The following SMG1 variants were observed in gnomAD, a reference collection of about 807,000 sequenced individuals.
The protein encoded by SMG1 is serine/threonine-protein kinase SMG1.
Under a neutral mutation model 419.9 loss-of-function variants are expected in SMG1, and 22 were observed. The ratio of observed to expected loss-of-function variants is 0.05; its 90% CI spans 0.04 to 0.07. The LOEUF is 0.07. Among genes scored for constraint, SMG1 ranks in the 10% least tolerant of loss-of-function variants. The pLI, the probability that SMG1 is intolerant of heterozygous loss-of-function variation, is 1.00. For missense variants in SMG1, 3,185 were observed against 4,342.0 expected, an observed-to-expected ratio of 0.73 and a Z score of 7.49; for synonymous variants, 1,538 against 1,553.5, an observed-to-expected ratio of 0.99 and a Z score of 0.23.
At chr16:18,896,444 A>T (rs970909793) in intron 2 of SMG1, among the ~76,000 whole-genome samples, 6 of 152,192 alleles carry the variant, frequency 3.9e-5, no homozygotes, top group Admixed American at 2.0e-4. Flanking sequence ...ATGAAAACTA[A>T]ATTAAATCAA....
rs2031480620 is a variant in SMG1, at chr16:18,812,226, A to G, written c.10622-99T>C. On this transcript the variant is annotated intron_variant, in intron 60 of 62. Transcript: ENST00000446231. Reference sequence around the variant, plus strand: ...GATAGGTGGTAGTGGTTGATACCCCAATTAAATAATCAACTATAAATCCTT... The same window carrying G: ...GATAGGTGGTAGTGGTTGATACCCCGATTAAATAATCAACTATAAATCCTT... 8.0e-6 allele frequency: 9 copies of G among 1,118,472 alleles called. No individual in the cohort carries two copies. The South Asian group carries it at 1.2e-4, about 15-fold the overall frequency. The allele number at this position is 1,118,472 out of a possible 1,614,324, so 69.3% of individuals were successfully genotyped here.
chr16:18,849,629 G>GT (rs1216173932), intron 35 of SMG1, among the ~76,000 whole-genome samples: 1 of 152,142 alleles, frequency 6.6e-6, no homozygotes, highest in Non-Finnish European at 1.5e-5. Flanking sequence ...ACGGAGAAAT[G>GT]TATCTTCTGT....
intron 1 of SMG1, among the ~76,000 whole-genome samples, chr16:18,902,662 T>C (rs2037393791): frequency 6.6e-6 from 1 of 151,054 alleles, no homozygotes; most frequent in African/African-American, 2.4e-5. Context: ...GCTGTGATCA[T>C]GCCACTGCAC....
chr16:18,922,550 C>T (rs2038236850), intron 1 of SMG1, among the ~76,000 whole-genome samples: 1 of 152,168 alleles, frequency 6.6e-6, no homozygotes, highest in African/African-American at 2.4e-5. Context: ...GGACAACCTC[C>T]GCCTCTCAGG....
chr16:18,923,560 G>T (rs1275624274), intron 1 of SMG1, among the ~76,000 whole-genome samples: 1 of 151,778 alleles, frequency 6.6e-6, no homozygotes, highest in Admixed American at 6.6e-5. Flanking sequence ...CCTTGTAACC[G>T]GGAGGCAGAG....
At chr16:18,813,929 G>T (rs1466686120) in intron 60 of SMG1, among the ~76,000 whole-genome samples, 1 of 149,988 alleles carries the variant, frequency 6.7e-6, no homozygotes, top group Non-Finnish European at 1.5e-5. Context: ...TACTGGGGAG[G>T]TTGAGGCAGG....
In SMG1 at chr16:18,869,532, G is replaced by A. The variant is rs891603805; in HGVS notation, c.2634-229C>T. 7.9e-5 allele frequency among the ~76,000 whole-genome samples: 12 copies of A among 152,180 alleles called. No individual in the cohort carries two copies. In the East Asian group the frequency reaches 2.3e-3, roughly 29 times the overall value. ...TGATTAGGGTAAATGGCTTATGCCA[G>A]TCAGGAATGAAACTCACTCAATTCA... On this transcript the variant is annotated intron_variant, in intron 19 of 62. Transcript: ENST00000446231.
intron 3 of SMG1, among the ~76,000 whole-genome samples, chr16:18,895,273 G>A (rs1258956464): frequency 6.6e-6 from 1 of 151,980 alleles, no homozygotes; most frequent in Non-Finnish European, 1.5e-5. Flanking sequence ...GAGGTCAGGA[G>A]TTCGAGACCA....
intron 62 of SMG1, among the ~76,000 whole-genome samples, chr16:18,810,454 A>G (rs1042369082): frequency 2.6e-5 from 4 of 152,238 alleles, no homozygotes; most frequent in African/African-American, 4.8e-5. Context: ...AAGCAGATCA[A>G]GAAGTAGGAC....
At chr16:18,892,014 C>A (rs1437328422) in intron 4 of SMG1, among the ~76,000 whole-genome samples, 2 of 152,156 alleles carry the variant, frequency 1.3e-5, no homozygotes, top group Non-Finnish European at 2.9e-5. Flanking sequence ...CTGCAGTGAG[C>A]TATGATTGTG....
chr16:18,839,843 C>T lies in SMG1; in HGVS notation c.6800G>A (p.Ser2267Asn). Residue 2267 changes from serine (S) to asparagine (N), a missense_variant, in exon 42 of 63, where the codon AGC (serine) becomes AAC (asparagine). By Grantham distance (46) the Ser-to-Asn change is conservative. Transcript: ENST00000446231. The part of the protein sequence containing the change: ...IGPALKTVGL[S>N]LDVSRRDWPL... The stretch of plus-strand genomic sequence containing the variant: ...CCAATCCCGACGGGACACATCCAGG[C>T]TAAGCCCAACTGTTTTCAAAGCAGG... 1 of 1,613,882 alleles carries T rather than the reference C, an allele frequency of 6.2e-7. No homozygotes were observed. Among genetic ancestry groups the T allele is most frequent in the Non-Finnish European group, 8.5e-7 (1 of 1,179,848 alleles).
chr16:18,827,483 T>TTTTATATATATA (rs2032791200), intron 55 of SMG1, among the ~76,000 whole-genome samples: 2 of 125,852 alleles, frequency 1.6e-5, no homozygotes, highest in African/African-American at 3.1e-5. Context: ...TATATATATT[T>TTTTATATATATA]GGTATAAATA....
chr16:18,876,469 T>A, intron 12 of SMG1, 76 bp from the exon 13 acceptor site: 6 of 1,425,816 alleles, frequency 4.2e-6, no homozygotes, highest in South Asian at 3.8e-5. Context: ...TAAATCACTA[T>A]CTGTATTAGT....
chr16:18,848,163 G>C (rs1596513750), intron 36 of SMG1, 130 bp from the exon 37 acceptor site: 1 of 714,468 alleles, frequency 1.4e-6, no homozygotes, highest in South Asian at 1.8e-5. Context: ...TCCAGGCATA[G>C]AACTGATTAA....
At position 18,872,488 on chromosome 16, in the gene SMG1, C is replaced by A; in HGVS notation, c.2021+6G>T. ...GGTTCTTAAGAAAAATTTGTAAATA[C>A]AGTACCTGGTACAATGAGAATACAA... On this transcript the variant is annotated splice_donor_region_variant and intron_variant, in intron 14 of 62. Coordinates refer to ENST00000446231, the MANE Select transcript of SMG1 (RefSeq NM_015092.5). 6.5e-7 allele frequency: 1 copy of A among 1,539,302 alleles called. No individual in the cohort carries two copies. Among genetic ancestry groups the A allele is most frequent in the Non-Finnish European group, 8.7e-7 (1 of 1,155,882 alleles).
intron 18 of SMG1, 75 bp from the exon 19 acceptor site, chr16:18,870,069 T>C: frequency 1.1e-6 from 1 of 879,042 alleles, no homozygotes; most frequent in South Asian, 1.7e-5. Flanking sequence ...AGTGGATTAT[T>C]TACTTATTAA....
At chr16:18,849,168 T>C (rs964999353) in intron 36 of SMG1, 49 bp downstream of exon 36, 9 of 1,333,336 alleles carry the variant, frequency 6.7e-6, no homozygotes, top group African/African-American at 1.5e-5. Context: ...ACTAAAATTA[T>C]TGGCACAGTC....
rs201263828 is a variant in SMG1, at chr16:18,827,429, AATATAT to A, written c.9741+596_9741+601del. ...CAACAAAGCGAGACTCTGTCTCCAA[AATATAT>A]ATATATAGGTATAAATATACCTATA... On this transcript the variant is annotated intron_variant, in intron 55 of 62. Transcript: ENST00000446231. Among the ~76,000 whole-genome samples the A allele has an allele frequency of 3.4e-4, 43 of 128,222 alleles. 1 individual carries two copies. In the South Asian group the frequency reaches 9.0e-3, roughly 27 times the overall value. 84.1% of individuals were successfully genotyped at this position (128,222 alleles called of 152,430 possible). A position where few individuals can be genotyped will look rare whatever the true frequency, so the allele number is the denominator to read the frequency against.
intron 55 of SMG1, among the ~76,000 whole-genome samples, chr16:18,827,597 A>AT (rs1218567804): frequency 9.7e-5 from 13 of 133,836 alleles, no homozygotes; most frequent in African/African-American, 3.2e-4. Flanking sequence ...TTTTAGATAT[A>AT]TTTGGTATAA....
Sources: gnomAD v4.1 joint callset for allele counts (sites outside exome capture counted in the v4.1 genomes callset) on GRCh38, gnomAD v4.1.1 for gene constraint, MANE v1.5 for transcripts, NCBI Gene and HGNC (gene_info 2026-07-23, HGNC 2026-07-21) for gene names.